Variants in ZFYVE16 observed in about 807,000 individuals in gnomAD.
The protein encoded by ZFYVE16 is zinc finger FYVE-type containing 16, also known as zinc finger FYVE domain-containing protein 16.
A neutral mutation model predicts 138.1 loss-of-function variants in ZFYVE16; 89 were observed. That is an observed-to-expected ratio of 0.64 (90% CI 0.54 to 0.77). The LOEUF is 0.77. ZFYVE16 is among the 30% of genes least tolerant of loss of function. The probability of loss-of-function intolerance (pLI) is 0.00; values close to 1 mark genes in which losing one functional copy is unlikely to be tolerated. For synonymous variants in ZFYVE16, 596 were observed against 618.3 expected (o/e 0.96, Z 0.53); for missense variants, 1,793 against 1,786.7 (o/e 1.00, Z -0.06).
chr5:80,433,069 C>T (rs1749322310), intron 2 of ZFYVE16, among the ~76,000 whole-genome samples: 2 of 152,154 alleles, frequency 1.3e-5, no homozygotes, highest in South Asian at 4.1e-4. Context: ...CCATTTGACC[C>T]AGCCATCCCA....
At chr5:80,413,189 G>C (rs567556216) in intron 1 of ZFYVE16, among the ~76,000 whole-genome samples, 1 of 133,984 alleles carries the variant, frequency 7.5e-6, no homozygotes, top group South Asian at 2.4e-4. Flanking sequence ...AAAGAAGAGA[G>C]GGCTGGGTGC....
chr5:80,450,301 A>G, intron 9 of ZFYVE16, 130 bp from the exon 10 acceptor site: 1 of 804,416 alleles, frequency 1.2e-6, no homozygotes. Flanking sequence ...AATTCAATTT[A>G]AGGTTTTCAT....
chr5:80,472,073 G>GT lies in ZFYVE16; in HGVS notation c.4025-687dup, dbSNP rs550774887. 2.2e-3 allele frequency among the ~76,000 whole-genome samples: 330 copies of GT among 152,110 alleles called. 1 individual carries two copies. Among genetic ancestry groups the GT allele is most frequent in the African/African-American group, 7.6e-3 (315 of 41,498 alleles). On this transcript the variant is annotated intron_variant, in intron 15 of 18. Coordinates refer to ENST00000505560, the MANE Select transcript of ZFYVE16 (RefSeq NM_001284236.3). Reference sequence around the variant, plus strand: ...TTACCTCTGTTCTGTTCCCCATGCTGTAACACTGTGCTATGTTTAAGCCTC... The same window carrying GT: ...TTACCTCTGTTCTGTTCCCCATGCTGTTAACACTGTGCTATGTTTAAGCCTC...
At chr5:80,409,568 A>G (rs1246467262) in intron 1 of ZFYVE16, 1 of 152,246 alleles carries the variant, frequency 6.6e-6, no homozygotes, top group African/African-American at 2.4e-5. Flanking sequence ...TTCTAAAACA[A>G]AACTTAGAAG....
At chr5:80,443,939 T>C (rs1011754068) in intron 6 of ZFYVE16, 2 of 401,764 alleles carry the variant, frequency 5.0e-6, no homozygotes, top group Non-Finnish European at 5.0e-6. Flanking sequence ...TTGTTCTATC[T>C]CCTTTTCCTT....
In ZFYVE16 at chr5:80,414,131, C is replaced by G. The variant is rs1180035103; in HGVS notation, c.-94+5978C>G. ...TATCTTAATTCTTTTGTACATGTAC[C>G]TTTTATATTTCTTTATAAATAAATG... On this transcript the variant is annotated intron_variant, in intron 1 of 18. Transcript: ENST00000505560. Among the ~76,000 whole-genome samples, 3 of 151,892 alleles carry G rather than the reference C, an allele frequency of 2.0e-5. No homozygotes were observed. The East Asian group carries it at 5.8e-4, about 29-fold the overall frequency.
chr5:80,437,801 G>C lies in ZFYVE16; in HGVS notation c.1116G>C (p.Pro372=). ...SALHVSSKDV[P]SSLSCLPASG... ...TACATGTTTCCAGTAAAGATGTGCC[G>C]TCCTCATTGTCCTGTCTTCCTGCGT... Residue 372 remains proline (P), a synonymous_variant, in exon 4 of 19, where the codon CCG becomes CCC. Coordinates refer to ENST00000505560, the MANE Select transcript of ZFYVE16 (RefSeq NM_001284236.3). 1 of 1,613,962 alleles carries C rather than the reference G, an allele frequency of 6.2e-7. No individual in the cohort carries two copies. The highest frequency in any genetic ancestry group is 8.5e-7 in the Non-Finnish European group (1 of 1,179,932).
chr5:80,426,500 C>G (rs1433929364), intron 1 of ZFYVE16, among the ~76,000 whole-genome samples: 1 of 151,166 alleles, frequency 6.6e-6, no homozygotes, highest in Non-Finnish European at 1.5e-5. Flanking sequence ...CCTGTGTCCA[C>G]GTGTTCTCAT....
intron 8 of ZFYVE16, among the ~76,000 whole-genome samples, chr5:80,448,982 G>A (rs746082132): frequency 6.6e-6 from 1 of 152,018 alleles, no homozygotes; most frequent in East Asian, 1.9e-4. Context: ...ATGAAATGGC[G>A]GTTCTCTGCG....
intron 18 of ZFYVE16, among the ~76,000 whole-genome samples, chr5:80,476,069 G>A (rs1296043871): frequency 2.6e-5 from 4 of 151,886 alleles, no homozygotes; most frequent in Non-Finnish European, 5.9e-5. Flanking sequence ...TCAGCCTCCC[G>A]AGTAGCTGGG....
At position 80,449,595 on chromosome 5, in the gene ZFYVE16, T is replaced by A. The variant is rs892472576; in HGVS notation, c.3108T>A (p.Pro1036=). 6 of 1,607,010 alleles carry A rather than the reference T, an allele frequency of 3.7e-6. No individual in the cohort carries two copies. The highest frequency in any genetic ancestry group is 1.3e-5 in the African/African-American group (1 of 74,554). The change falls in exon 9 of 19, where the codon CCT becomes CCA. Residue 1036 remains proline (P), a synonymous_variant. Coordinates refer to ENST00000505560, the MANE Select transcript of ZFYVE16 (RefSeq NM_001284236.3). ...LVASGEKGSV[P]VVEEHPSHEQ... ...TATATTACTTTCATCATTTAGTGCCTGTAGTAGAAGAACATCCATCTCATG... is the reference window on the plus strand; with the variant it reads ...TATATTACTTTCATCATTTAGTGCCAGTAGTAGAAGAACATCCATCTCATG...
At chr5:80,455,296 G>T (rs1407530094) in intron 11 of ZFYVE16, 1 of 206,738 alleles carries the variant, frequency 4.8e-6, no homozygotes, top group African/African-American at 2.4e-5. Flanking sequence ...CACTTTGGGA[G>T]GCCGAGGTGG....
intron 1 of ZFYVE16, among the ~76,000 whole-genome samples, chr5:80,421,696 A>G (rs1472879771): frequency 6.6e-6 from 1 of 152,148 alleles, no homozygotes; most frequent in Non-Finnish European, 1.5e-5. Flanking sequence ...TGGTTACTGT[A>G]GCCTTGTAGT....
chr5:80,425,843 T>C (rs1747906788), intron 1 of ZFYVE16, among the ~76,000 whole-genome samples: 1 of 152,186 alleles, frequency 6.6e-6, no homozygotes, highest in Non-Finnish European at 1.5e-5. Flanking sequence ...GATCCCACCA[T>C]TATAAAGTTC....
In ZFYVE16 at chr5:80,437,319, G is replaced by T; in HGVS notation, c.634G>T (p.Asp212Tyr). ...GGIKELGIKV[D>Y]TTLSDSYNYS... Reference sequence around the variant, plus strand: ...AATCAAAGAATTGGGTATAAAAGTAGATACAACACTTTCAGATTCCTATAA... The same window carrying T: ...AATCAAAGAATTGGGTATAAAAGTATATACAACACTTTCAGATTCCTATAA... The change falls in exon 4 of 19, where the codon GAT (aspartate) becomes TAT (tyrosine). Residue 212 changes from aspartate (D) to tyrosine (Y), a missense_variant. Asp to Tyr is a radical substitution (Grantham distance 160, BLOSUM62 -3). This residue lies in a region of ZFYVE16 where 1,295 missense variants were observed against 1,204.3 expected (regional missense o/e 1.08). Transcript: ENST00000505560. 1 of 1,601,780 alleles carries T rather than the reference G, an allele frequency of 6.2e-7. No individual in the cohort carries two copies. Among genetic ancestry groups the T allele is most frequent in the Non-Finnish European group, 8.5e-7 (1 of 1,175,210 alleles).
rs994960278 is a variant in ZFYVE16, at chr5:80,438,538, C to T, written c.1853C>T (p.Pro618Leu). Residue 618 changes from proline to leucine, a missense_variant, in exon 4 of 19, where the codon CCA (proline) becomes CTA (leucine). Physicochemically the swap from Pro to Leu is moderately conservative, Grantham distance 98. Around this residue, in one of 2 missense-constraint regions of ZFYVE16, gnomAD observed 1,295 missense variants for 1,204.3 expected, o/e 1.08. Transcript: ENST00000505560. ...TCTTTAGGAGAAAAAAGCACTATTC[C>T]AGTTCAACAAGGGTTACCTACCAGT... is the stretch of plus-strand genomic sequence containing the variant. ...GLSLGEKSTI[P>L]VQQGLPTSKS... 1.9e-6 allele frequency: 3 copies of T among 1,613,790 alleles called. No homozygotes were observed. The highest frequency in any genetic ancestry group is 1.3e-5 in the African/African-American group (1 of 74,868).
At chr5:80,457,169 G>A in intron 14 of ZFYVE16, 77 bp downstream of exon 14, 1 of 1,506,808 alleles carries the variant, frequency 6.6e-7, no homozygotes, top group Non-Finnish European at 8.9e-7. Flanking sequence ...GGAAATATAT[G>A]TATATTTACT....
chr5:80,435,811 GT>G (rs1749822425), intron 3 of ZFYVE16: 2 of 362,438 alleles, frequency 5.5e-6, no homozygotes, highest in African/African-American at 2.2e-5. Context: ...CTGATCTCAA[GT>G]TATCCTCCGA....
At position 80,435,235 on chromosome 5, in the gene ZFYVE16, A is replaced by G. The variant is rs111786927; in HGVS notation, c.70+1018A>G. 6.5e-3 allele frequency among the ~76,000 whole-genome samples: 993 copies of G among 152,154 alleles called. 9 individuals are homozygous for G. The highest frequency in any genetic ancestry group is 0.022 in the African/African-American group (934 of 41,516). On this transcript the variant is annotated intron_variant, in intron 3 of 18. Transcript: ENST00000505560. ...TTTTTAGTAGAAACGGGGTTTCACC[A>G]TATTGGCTAGGCTGGTCTCGAACTC...
Sources: gnomAD v4.1 joint callset for allele counts (sites outside exome capture counted in the v4.1 genomes callset) on GRCh38, gnomAD v4.1.1 for gene constraint, gnomAD v4.1.1 regional missense constraint, MANE v1.5 for transcripts, NCBI Gene and HGNC (gene_info 2026-07-23, HGNC 2026-07-21) for gene names.